TLK1: variants seen among roughly 807,000 people sequenced by gnomAD.
TLK1 encodes the protein serine/threonine-protein kinase tousled-like 1.
A neutral mutation model predicts 105.3 loss-of-function variants in TLK1; 24 were observed. The observed-to-expected ratio is 0.23, with a 90% confidence interval of 0.17 to 0.32. The LOEUF (loss-of-function observed/expected upper bound fraction) is 0.32. Among genes scored for constraint, TLK1 ranks in the 10% least tolerant of loss-of-function variants. The pLI, the probability that TLK1 is intolerant of heterozygous loss-of-function variation, is 1.00. For synonymous variants in TLK1, 321 were observed against 310.4 expected, an observed-to-expected ratio of 1.03 and a Z score of -0.36; for missense variants, 558 against 910.5, an observed-to-expected ratio of 0.61 and a Z score of 4.98.
chr2:171,011,839 C>A (rs1355241692), intron 13 of TLK1, among the ~76,000 whole-genome samples: 2 of 152,022 alleles, frequency 1.3e-5, no homozygotes, highest in Admixed American at 1.3e-4. Flanking sequence ...ACAGTATTGA[C>A]ATATGATTAA....
intron 2 of TLK1, among the ~76,000 whole-genome samples, chr2:171,114,560 G>C (rs969267012): frequency 2.0e-5 from 3 of 152,188 alleles, no homozygotes; most frequent in Non-Finnish European, 4.4e-5. Flanking sequence ...AGGTGGCCTG[G>C]TGCAGTGGCT....
At chr2:171,131,579 C>T (rs1691108741) in intron 1 of TLK1, among the ~76,000 whole-genome samples, 1 of 152,040 alleles carries the variant, frequency 6.6e-6, no homozygotes, top group Non-Finnish European at 1.5e-5. Context: ...ATATTTCTGA[C>T]TTCATATTTC....
chr2:171,038,413 G>A (rs2105409668), intron 11 of TLK1, among the ~76,000 whole-genome samples: 1 of 152,110 alleles, frequency 6.6e-6, no homozygotes, highest in East Asian at 1.9e-4. Context: ...AGTTTCTAAA[G>A]TTTTAGTTTT....
At position 171,160,591 on chromosome 2, in the gene TLK1, G is replaced by T; in HGVS notation, c.-163C>A. 1.8e-6 allele frequency: 2 copies of T among 1,093,398 alleles called. No individual in the cohort carries two copies. The highest frequency in any genetic ancestry group is 2.8e-5 in the East Asian group (1 of 35,262). 67.7% of individuals were successfully genotyped at this position (1,093,398 alleles called of 1,614,324 possible). A position where few individuals can be genotyped will look rare whatever the true frequency, so the allele number is the denominator to read the frequency against. On this transcript the variant is annotated 5_prime_UTR_variant, in exon 1 of 21. Coordinates refer to ENST00000431350, the MANE Select transcript of TLK1 (RefSeq NM_012290.5). The surrounding 1 kb of genome is among the most constrained non-coding windows in gnomAD (Gnocchi z 4.4). ...ATGGGGGAGGAAACCGAGAAGAGGGGAGGTGGGGAGGAAAGAGGTGAGGGA... is the reference window on the plus strand; with the variant it reads ...ATGGGGGAGGAAACCGAGAAGAGGGTAGGTGGGGAGGAAAGAGGTGAGGGA...
At chr2:171,161,292 C>T (rs1692492039), upstream of TLK1, among the ~76,000 whole-genome samples, 1 of 151,916 alleles carries the variant, frequency 6.6e-6, no homozygotes, top group South Asian at 2.1e-4. Flanking sequence ...ACACCCAACA[C>T]GGGGAGAAAT....
intron 1 of TLK1, among the ~76,000 whole-genome samples, chr2:171,202,787 A>G (rs1439636762): frequency 6.6e-6 from 1 of 152,078 alleles, no homozygotes; most frequent in Non-Finnish European, 1.5e-5. Flanking sequence ...AAAAAACAGA[A>G]CTTTATATTT....
intron 4 of TLK1, among the ~76,000 whole-genome samples, chr2:171,058,407 A>T (rs1472998643): frequency 6.6e-6 from 1 of 152,166 alleles, no homozygotes; most frequent in East Asian, 1.9e-4. Context: ...CTACATTATT[A>T]ATACTGCTTA....
At chr2:171,151,090 C>T (rs139941844) in intron 1 of TLK1, among the ~76,000 whole-genome samples, 3 of 152,000 alleles carry the variant, frequency 2.0e-5, no homozygotes, top group Non-Finnish European at 2.9e-5. Flanking sequence ...GGCGTAATCA[C>T]GGCTCACTGC....
At chr2:171,047,586 T>C (rs904472068) in intron 10 of TLK1, among the ~76,000 whole-genome samples, 6 of 152,146 alleles carry the variant, frequency 3.9e-5, no homozygotes, top group Non-Finnish European at 8.8e-5. Flanking sequence ...AATAGCAAAG[T>C]GAGAACAAGA....
intron 1 of TLK1, among the ~76,000 whole-genome samples, chr2:171,120,875 T>C (rs1170755690): frequency 6.6e-6 from 1 of 152,200 alleles, no homozygotes; most frequent in African/African-American, 2.4e-5. Context: ...CACATTAGCC[T>C]AAAGGTAGAA....
intron 2 of TLK1, among the ~76,000 whole-genome samples, chr2:171,102,859 T>C (rs1408438633): frequency 6.6e-6 from 1 of 152,150 alleles, no homozygotes; most frequent in Non-Finnish European, 1.5e-5. Context: ...CCAGTGCTCA[T>C]GGAGTTTCCA....
rs776879644 is a variant in TLK1, at chr2:171,177,752, CA to C, written c.-6+53392del. ...ACCAAGACTATAGTGCATTTTTGAA[CA>C]AAAAGCTTTTATATTAATAGCATCC... On this transcript the variant is annotated intron_variant, in intron 1 of 20. Coordinates refer to the TLK1 transcript ENST00000521943. 5.3e-5 allele frequency among the ~76,000 whole-genome samples: 8 copies of C among 152,100 alleles called. No homozygotes were observed. The East Asian group carries it at 1.2e-3, about 22-fold the overall frequency.
At chr2:171,041,597 G>T (rs1416500195) in intron 11 of TLK1, among the ~76,000 whole-genome samples, 3 of 152,174 alleles carry the variant, frequency 2.0e-5, no homozygotes, top group Admixed American at 2.0e-4. Flanking sequence ...CGCATGCAAG[G>T]GATCTAGGTT....
In TLK1 at chr2:171,142,977, C is replaced by T. The variant is rs558163109; in HGVS notation, c.139+17313G>A. 5.9e-5 allele frequency among the ~76,000 whole-genome samples: 9 copies of T among 152,226 alleles called. No individual in the cohort carries two copies. In the East Asian group the frequency reaches 1.7e-3, roughly 29 times the overall value. On this transcript the variant is annotated intron_variant, in intron 1 of 20. Coordinates refer to ENST00000431350, the MANE Select transcript of TLK1 (RefSeq NM_012290.5). Reference sequence around the variant, plus strand: ...TAATCCCAGCTACTCCGGAGGGATTCGCTTGAACCCAGAATCACTTGAACT... The same window carrying T: ...TAATCCCAGCTACTCCGGAGGGATTTGCTTGAACCCAGAATCACTTGAACT...
chr2:171,216,623 G>A (rs1338453143), intron 1 of TLK1, among the ~76,000 whole-genome samples: 1 of 152,138 alleles, frequency 6.6e-6, no homozygotes, highest in Non-Finnish European at 1.5e-5. Flanking sequence ...TAAAACATAT[G>A]TTGGAGTCGT....
chr2:170,995,378 A>C (rs1395629094), intron 20 of TLK1, among the ~76,000 whole-genome samples: 1 of 151,998 alleles, frequency 6.6e-6, no homozygotes, highest in African/African-American at 2.4e-5. Context: ...GTATCATATT[A>C]ATATTATATC....
intron 2 of TLK1, among the ~76,000 whole-genome samples, chr2:171,087,214 AAC>A (rs1689020760): frequency 6.6e-6 from 1 of 152,262 alleles, no homozygotes; most frequent in African/African-American, 2.4e-5. Context: ...ATCATGAAGT[AAC>A]ACAGATTTGG....
chr2:171,080,137 C>T (rs1330931537), intron 3 of TLK1, among the ~76,000 whole-genome samples: 2 of 145,154 alleles, frequency 1.4e-5, no homozygotes, highest in East Asian at 2.0e-4. Context: ...GCGGAGTTTG[C>T]AGTGAGACGA....
intron 7 of TLK1, 176 bp downstream of exon 7, chr2:171,054,907 T>TCACA: frequency 2.6e-6 from 1 of 386,772 alleles, no homozygotes. Context: ...AAATTGTGTG[T>TCACA]TTCAGTTTCT....
Sources: gnomAD v4.1 joint callset for allele counts (sites outside exome capture counted in the v4.1 genomes callset) on GRCh38, gnomAD v4.1.1 for gene constraint, Gnocchi (gnomAD v3.1) non-coding constraint, MANE v1.5 for transcripts, NCBI Gene and HGNC (gene_info 2026-07-23, HGNC 2026-07-21) for gene names.